Variants in STARD4 observed in about 807,000 individuals in gnomAD.
The protein encoded by STARD4 is stAR-related lipid transfer protein 4.
In STARD4, 33 loss-of-function variants were observed where a neutral mutation model predicts 24.9. That is an observed-to-expected ratio of 1.32 (90% CI 1.00 to 1.77). STARD4 has a LOEUF of 1.77. Among genes scored for constraint, STARD4 ranks in the 40% most tolerant of loss-of-function variants. STARD4 has a pLI of 0.00. For synonymous variants in STARD4, 88 were observed against 77.4 expected (o/e 1.14, Z -0.72); for missense variants, 238 against 249.3 (o/e 0.95, Z 0.31).
chr5:111,498,694 C>T lies in STARD4; in HGVS notation c.*1192G>A, dbSNP rs1756231272. The T allele has an allele frequency of 6.6e-6, 1 of 152,082 alleles. No homozygotes were observed. Among genetic ancestry groups the T allele is most frequent in the African/African-American group, 2.4e-5 (1 of 41,418 alleles). The allele number at this position is 152,082 out of a possible 1,614,324, so 9.4% of individuals were successfully genotyped here. A position where few individuals can be genotyped will look rare whatever the true frequency, so the allele number is the denominator to read the frequency against. On this transcript the variant is annotated 3_prime_UTR_variant, in exon 6 of 6. Coordinates refer to ENST00000296632, the MANE Select transcript of STARD4 (RefSeq NM_139164.3). ...AAGAATATAGAATCCTTTGTGCATTCCTTCTGTCAGATCTTGATCAATCTA... is the reference window on the plus strand; with the variant it reads ...AAGAATATAGAATCCTTTGTGCATTTCTTCTGTCAGATCTTGATCAATCTA...
rs994165173 is a variant in STARD4, at chr5:111,497,206, A to G, written c.*2680T>C. On this transcript the variant is annotated 3_prime_UTR_variant, in exon 6 of 6. Coordinates refer to ENST00000296632, the MANE Select transcript of STARD4 (RefSeq NM_139164.3). Reference sequence around the variant, plus strand: ...ATATTCTTTCATTTCACCAACTGCCATATCAAAAGTTACTTATCTTTGAAG... The same window carrying G: ...ATATTCTTTCATTTCACCAACTGCCGTATCAAAAGTTACTTATCTTTGAAG... The G allele has an allele frequency of 2.0e-5, 3 of 152,064 alleles. No individual in the cohort carries two copies. The highest frequency in any genetic ancestry group is 4.8e-5 in the African/African-American group (2 of 41,442). The allele number at this position is 152,064 out of a possible 1,614,324, so 9.4% of individuals were successfully genotyped here. A position where few individuals can be genotyped will look rare whatever the true frequency, so the allele number is the denominator to read the frequency against.
Position 111,500,063 on chromosome 5 carries a change from T to G in STARD4, c.441A>C (p.Arg147=), listed in dbSNP as rs766847098. ...ACCAACCACAGGGATGGTTATATCC[T>G]CGAACAAATTCTGGTCTCTTTTCAT... ...DWDEKRPEFV[R]GYNHPCGWFC... Residue 147 remains arginine (R), a synonymous_variant, in exon 6 of 6, where the codon CGA becomes CGC. Transcript: ENST00000296632. 1.9e-6 allele frequency: 3 copies of G among 1,613,704 alleles called. No homozygotes were observed. Among genetic ancestry groups the G allele is most frequent in the Non-Finnish European group, 2.5e-6 (3 of 1,179,686 alleles).
chr5:111,501,142 G>A (rs1407706770), intron 4 of STARD4, 26 bp from the exon 5 acceptor site: 1 of 1,570,754 alleles, frequency 6.4e-7, no homozygotes, highest in African/African-American at 1.4e-5. Flanking sequence ...TAAGACAAGT[G>A]TTACTACTAT....
In STARD4 at chr5:111,499,072, A is replaced by G. The variant is rs1244800950; in HGVS notation, c.*814T>C. 2 of 152,224 alleles carry G rather than the reference A, an allele frequency of 1.3e-5. No homozygotes were observed. The highest frequency in any genetic ancestry group is 2.9e-5 in the Non-Finnish European group (2 of 68,030). The allele number at this position is 152,224 out of a possible 1,614,324, so 9.4% of individuals were successfully genotyped here. A position where few individuals can be genotyped will look rare whatever the true frequency, so the allele number is the denominator to read the frequency against. ...TAAACAACTAACATTAAACACGGAA[A>G]TGGATTTCGAGATGTGTGCATGTAC... On this transcript the variant is annotated 3_prime_UTR_variant, in exon 6 of 6. Transcript: ENST00000296632.
Position 111,498,256 on chromosome 5 carries a change from T to C in STARD4, c.*1630A>G, listed in dbSNP as rs949990367. On this transcript the variant is annotated 3_prime_UTR_variant, in exon 6 of 6. Coordinates refer to ENST00000296632, the MANE Select transcript of STARD4 (RefSeq NM_139164.3). Reference sequence around the variant, plus strand: ...TAATTTTACCTAGAGTGGGTCCATGTTTAACGGTGAATTATGTAATTACTT... The same window carrying C: ...TAATTTTACCTAGAGTGGGTCCATGCTTAACGGTGAATTATGTAATTACTT... 1 of 151,942 alleles carries C rather than the reference T, an allele frequency of 6.6e-6. No individual in the cohort carries two copies. The highest frequency in any genetic ancestry group is 6.6e-5 in the Admixed American group (1 of 15,228). The allele number at this position is 151,942 out of a possible 1,614,324, so 9.4% of individuals were successfully genotyped here.
chr5:111,496,266 C>T lies in STARD4; in HGVS notation c.*3620G>A, dbSNP rs953721425. The stretch of plus-strand genomic sequence containing the variant: ...ACATGTAAAATCCGTAAAAACAATA[C>T]AATAATTTAAAAATTATAGTTCCAA... On this transcript the variant is annotated 3_prime_UTR_variant, in exon 6 of 6. Coordinates refer to ENST00000296632, the MANE Select transcript of STARD4 (RefSeq NM_139164.3). 5 of 152,012 alleles carry T rather than the reference C, an allele frequency of 3.3e-5. No individual in the cohort carries two copies. Among genetic ancestry groups the T allele is most frequent in the Non-Finnish European group, 5.9e-5 (4 of 67,974 alleles). 9.4% of individuals were successfully genotyped at this position (152,012 alleles called of 1,614,324 possible). A position where few individuals can be genotyped will look rare whatever the true frequency, so the allele number is the denominator to read the frequency against.
intron 5 of STARD4, 153 bp downstream of exon 5, chr5:111,500,849 A>G: frequency 6.5e-7 from 1 of 1,541,964 alleles, no homozygotes; most frequent in Admixed American, 2.4e-5. Flanking sequence ...TGATATTGCT[A>G]TTTTACTCCC....
chr5:111,496,366 A>G lies in STARD4; in HGVS notation c.*3520T>C, dbSNP rs920718356. On this transcript the variant is annotated 3_prime_UTR_variant, in exon 6 of 6. Transcript: ENST00000296632. ...AACCTTCTCTACTTCTAGAAGTTGA[A>G]TAAGAAAGACATGGAAGATACAGCA... The G allele has an allele frequency of 6.6e-6, 1 of 152,094 alleles. No individual in the cohort carries two copies. Among genetic ancestry groups the G allele is most frequent in the Non-Finnish European group, 1.5e-5 (1 of 67,988 alleles). 9.4% of individuals were successfully genotyped at this position (152,094 alleles called of 1,614,324 possible). A position where few individuals can be genotyped will look rare whatever the true frequency, so the allele number is the denominator to read the frequency against.
Position 111,507,546 on chromosome 5 carries a change from T to C in STARD4, c.-9-104A>G. On this transcript the variant is annotated intron_variant, in intron 1 of 5. Transcript: ENST00000296632. This position sits in a 1 kb window ranked among gnomAD's most constrained non-coding sequence, Gnocchi z 4.4. ...ACAATATAATAACCTACCAGAGCTA[T>C]AAAAGATAGCTACCCTCACCCCAAA... The C allele has an allele frequency of 1.3e-6, 1 of 754,338 alleles. No individual in the cohort carries two copies. Among genetic ancestry groups the C allele is most frequent in the Non-Finnish European group, 2.1e-6 (1 of 477,250 alleles). The allele number at this position is 754,338 out of a possible 1,614,324, so 46.7% of individuals were successfully genotyped here.
chr5:111,503,992 T>C (rs1756661317), intron 3 of STARD4, among the ~76,000 whole-genome samples: 1 of 152,102 alleles, frequency 6.6e-6, no homozygotes, highest in South Asian at 2.1e-4. Context: ...ATACAAAAGA[T>C]TTCAACTTCA....
intron 3 of STARD4, 187 bp downstream of exon 3, chr5:111,506,143 G>A (rs562244125): frequency 1.7e-5 from 5 of 292,882 alleles, no homozygotes; most frequent in African/African-American, 7.1e-5. Context: ...GCAGCGAGCC[G>A]AGATTGTGCC....
At chr5:111,501,912 C>G (rs759204129) in intron 4 of STARD4, 50 bp downstream of exon 4, 1 of 1,607,898 alleles carries the variant, frequency 6.2e-7, no homozygotes, top group South Asian at 1.1e-5. Context: ...CACTCATGCC[C>G]TCCCTCATGC....
Position 111,499,772 on chromosome 5 carries a change from A to C in STARD4, c.*114T>G, listed in dbSNP as rs967318375. 19 of 988,464 alleles carry C rather than the reference A, an allele frequency of 1.9e-5. No individual in the cohort carries two copies. The highest frequency in any genetic ancestry group is 4.8e-4 in the Middle Eastern group (2 of 4,170). 61.2% of individuals were successfully genotyped at this position (988,464 alleles called of 1,614,324 possible). On this transcript the variant is annotated 3_prime_UTR_variant, in exon 6 of 6. Coordinates refer to ENST00000296632, the MANE Select transcript of STARD4 (RefSeq NM_139164.3). The stretch of plus-strand genomic sequence containing the variant: ...CCAAACATTGTACTAGTGAACCAAA[A>C]ACATTTCAAATTTTTCTACCGGCTA...
Position 111,498,982 on chromosome 5 carries a change from T to C in STARD4, c.*904A>G, listed in dbSNP as rs777594483. On this transcript the variant is annotated 3_prime_UTR_variant, in exon 6 of 6. Coordinates refer to ENST00000296632, the MANE Select transcript of STARD4 (RefSeq NM_139164.3). ...TGCATTTCATGTCTTGTTTAGCATG[T>C]ATTTCAGGGCTCACTTTACCCATAT... The C allele has an allele frequency of 2.0e-5, 3 of 152,174 alleles. No homozygotes were observed. Among genetic ancestry groups the C allele is most frequent in the Non-Finnish European group, 4.4e-5 (3 of 68,022 alleles). 9.4% of individuals were successfully genotyped at this position (152,174 alleles called of 1,614,324 possible).
intron 1 of STARD4, among the ~76,000 whole-genome samples, chr5:111,510,907 C>G (rs1303747633): frequency 6.6e-6 from 1 of 152,104 alleles, no homozygotes; most frequent in African/African-American, 2.4e-5. Context: ...TTTTGTAGTA[C>G]GACTAGGTCA....
At chr5:111,511,070 A>G (rs1381471072) in intron 1 of STARD4, among the ~76,000 whole-genome samples, 9 of 152,198 alleles carry the variant, frequency 5.9e-5, no homozygotes, top group Non-Finnish European at 1.3e-4. Context: ...ATTAAATTAT[A>G]TTTTCTAACT....
In STARD4 at chr5:111,500,033, A is replaced by G; in HGVS notation, c.471T>C (p.Cys157=). ...GGTTTGGGTTGTCTTTAAGTGGAACACAAAACCAACCACAGGGATGGTTAT... is the reference window on the plus strand; with the variant it reads ...GGTTTGGGTTGTCTTTAAGTGGAACGCAAAACCAACCACAGGGATGGTTAT... ...RGYNHPCGWF[C]VPLKDNPNQS... is the part of the protein sequence containing the mutation. Residue 157 remains cysteine (C), a synonymous_variant, in exon 6 of 6, where the codon TGT becomes TGC. Transcript: ENST00000296632. 6.2e-7 allele frequency: 1 copy of G among 1,614,214 alleles called. No individual in the cohort carries two copies. Among genetic ancestry groups the G allele is most frequent in the Non-Finnish European group, 8.5e-7 (1 of 1,180,022 alleles).
intron 1 of STARD4, among the ~76,000 whole-genome samples, chr5:111,509,372 G>A (rs941189513): frequency 4.6e-5 from 7 of 152,080 alleles, no homozygotes; most frequent in African/African-American, 7.2e-5. Context: ...TCCAGTGCAC[G>A]GAAAGTTACC....
chr5:111,511,593 A>G (rs1430707498), intron 1 of STARD4, among the ~76,000 whole-genome samples: 1 of 152,216 alleles, frequency 6.6e-6, no homozygotes, highest in African/African-American at 2.4e-5. Flanking sequence ...AAATAGCAAC[A>G]GGAAGGTTGA....
Sources: allele counts gnomAD v4.1 joint callset (sites outside exome capture counted in the v4.1 genomes callset), GRCh38; gene constraint gnomAD v4.1.1; non-coding constraint Gnocchi (gnomAD v3.1); transcripts MANE v1.5; gene names NCBI Gene and HGNC (gene_info 2026-07-23, HGNC 2026-07-21).